Variants in MUC6 observed in about 807,000 individuals in gnomAD.
MUC6 encodes the protein mucin-6.
MUC6 carries 188 observed loss-of-function variants against 201.5 expected under a neutral mutation model. The ratio of observed to expected loss-of-function variants is 0.93; its 90% CI spans 0.83 to 1.05. The LOEUF is 1.05. Among genes scored for constraint, MUC6 ranks in the 50% least tolerant of loss-of-function variants. MUC6 has a pLI of 0.00. For synonymous variants in MUC6, 1,228 were observed against 1,389.4 expected, an observed-to-expected ratio of 0.88 and a Z score of 2.58; for missense variants, 2,706 against 3,256.9, an observed-to-expected ratio of 0.83 and a Z score of 4.12.
chr11:1,036,415 C>T (rs1385665847), intron 1 of MUC6, among the ~76,000 whole-genome samples, 189 bp downstream of exon 1: 3 of 152,194 alleles, frequency 2.0e-5, no homozygotes, highest in African/African-American at 7.2e-5. Flanking sequence ...TGGCAGAGCC[C>T]AGCACCGCGG....
rs1293461856 is a variant in MUC6 at position 1,031,188 on chromosome 11, G to T, written c.555C>A (p.Asn185Lys). The T allele has an allele frequency of 3.3e-6, 5 of 1,536,340 alleles. No homozygotes were observed. The East Asian group carries it at 1.2e-4, about 38-fold the overall frequency. ...LCGNFDGKVT[N>K]EFVSEEGKFL... ...ACCTACCCTCCTCACTGACAAACTC[G>T]TTGGTCACCTTCCCGTCAAAGTTCC... Residue 185 changes from asparagine to lysine, a missense_variant, in exon 5 of 33, where the codon AAC becomes AAA. Physicochemically the swap from Asn to Lys is moderately conservative, Grantham distance 94. Transcript: ENST00000421673.
chr11:1,033,187 G>A lies in MUC6; in HGVS notation c.53-112C>T, dbSNP rs759321995. On this transcript the variant is annotated intron_variant, in intron 1 of 32. Transcript: ENST00000421673. The surrounding 1 kb of genome is among the most constrained non-coding windows in gnomAD (Gnocchi z 5.6). ...GTTTCCCTGCACACACTCGGCGTGC[G>A]AGAAGTGTCCATGGCCCGTGGGGCT... 3.3e-5 allele frequency: 36 copies of A among 1,088,656 alleles called. No homozygotes were observed. The highest frequency in any genetic ancestry group is 3.3e-4 in the South Asian group (26 of 78,716). The allele number at this position is 1,088,656 out of a possible 1,614,324, so 67.4% of individuals were successfully genotyped here.
At chr11:1,023,422 G>T in intron 26 of MUC6, 87 bp downstream of exon 26, 1 of 1,448,398 alleles carries the variant, frequency 6.9e-7, no homozygotes, top group South Asian at 1.3e-5. Flanking sequence ...ATGTGTGAAT[G>T]AATGAATGCG....
At position 1,030,351 on chromosome 11, in the gene MUC6, G is replaced by A. The variant is rs1857071080; in HGVS notation, c.893-16C>T. 14 of 1,545,640 alleles carry A rather than the reference G, an allele frequency of 9.1e-6. No individual in the cohort carries two copies. Among genetic ancestry groups the A allele is most frequent in the Non-Finnish European group, 1.0e-5 (12 of 1,145,852 alleles). ...TGACCCACGGCTGTGGGCACACGCGGCTCCGGTGAGAGGGTCCCACCCCCC... is the reference window on the plus strand; with the variant it reads ...TGACCCACGGCTGTGGGCACACGCGACTCCGGTGAGAGGGTCCCACCCCCC... On this transcript the variant is annotated splice_polypyrimidine_tract_variant and intron_variant, in intron 7 of 32. Transcript: ENST00000421673.
intron 27 of MUC6, 37 bp from the exon 28 acceptor site, chr11:1,020,771 A>G (rs1435212560): frequency 3.7e-6 from 6 of 1,607,286 alleles, no homozygotes; most frequent in African/African-American, 1.3e-5. Context: ...GTGGTTCTCT[A>G]AGCCTCCCCA....
chr11:1,022,075 G>GC (rs1236395728), intron 26 of MUC6, among the ~76,000 whole-genome samples: 4 of 132,038 alleles, frequency 3.0e-5, no homozygotes, highest in African/African-American at 6.3e-5. Context: ...GCCCTCTGCA[G>GC]CCCCGCGCCT....
chr11:1,032,238 C>A (rs78654206), intron 2 of MUC6, among the ~76,000 whole-genome samples, 185 bp from the exon 3 acceptor site: 1 of 152,142 alleles, frequency 6.6e-6, no homozygotes, highest in Non-Finnish European at 1.5e-5. Context: ...GAGTCAGCAC[C>A]GCTGTGGGCA....
intron 1 of MUC6, among the ~76,000 whole-genome samples, chr11:1,034,381 C>A (rs887954058): frequency 6.6e-6 from 1 of 152,200 alleles, no homozygotes; most frequent in Non-Finnish European, 1.5e-5. Context: ...CTGAGCCTGG[C>A]GAGCACCTAC....
In MUC6 at chr11:1,015,962, A is replaced by G; in HGVS notation, c.6839T>C (p.Val2280Ala). 1 of 1,592,180 alleles carries G rather than the reference A, an allele frequency of 6.3e-7. No homozygotes were observed. The highest frequency in any genetic ancestry group is 2.2e-5 in the East Asian group (1 of 44,534). Residue 2280 changes from valine (V) to alanine (A), a missense_variant, in exon 31 of 33, where the codon GTT becomes GCT. Transcript: ENST00000421673. ...TSRSTSLTTRVPTSGFVSLTS... is the reference protein window; with the variant it reads ...TSRSTSLTTRAPTSGFVSLTS... ...GAGTGACACAAAGCCTGATGTGGGA[A>G]CTCGGGTGGTGAGAGAAGTGGACCG...
Position 1,031,909 on chromosome 11 carries a change from C to G in MUC6, c.260G>C (p.Arg87Pro). Residue 87 changes from arginine (R) to proline (P), a missense_variant, in exon 3 of 33, where the codon CGG (arginine) becomes CCG (proline). Arg to Pro is a moderately radical substitution (Grantham distance 103). Around this residue, in one of 10 missense-constraint regions of MUC6, gnomAD observed 1,850 missense variants for 1,958.3 expected, o/e 0.94. Transcript: ENST00000421673. ...DAFPTFSVQL[R>P]RGPDGSISRI... ...CGAGATGCTCCCGTCTGGGCCTCGC[C>G]GCAGCTGGACACTGAAGGTGGGGAA... 6.2e-7 allele frequency: 1 copy of G among 1,613,208 alleles called. No homozygotes were observed. The highest frequency in any genetic ancestry group is 8.5e-7 in the Non-Finnish European group (1 of 1,179,884).
Position 1,025,172 on chromosome 11 carries a change from C to T in MUC6, c.2985+10G>A, listed in dbSNP as rs369579023. The T allele has an allele frequency of 2.7e-5, 44 of 1,610,178 alleles. No individual in the cohort carries two copies. The highest frequency in any genetic ancestry group is 6.7e-5 in the Admixed American group (4 of 59,970). ...GGAGGGCCTGGGAGGAGGCAGAGGG[C>T]GTGCGGTACCTGGGAGGCACGGGCG... On this transcript the variant is annotated intron_variant, in intron 23 of 32. Transcript: ENST00000421673.
rs1449899875 is a variant in MUC6 at position 1,025,164 on chromosome 11, G to T, written c.2985+18C>A. On this transcript the variant is annotated intron_variant, in intron 23 of 32. Transcript: ENST00000421673. ...TGCATCAGGGAGGGCCTGGGAGGAG[G>T]CAGAGGGCGTGCGGTACCTGGGAGG... 2.5e-6 allele frequency: 4 copies of T among 1,610,356 alleles called. No homozygotes were observed. The highest frequency in any genetic ancestry group is 8.5e-7 in the Non-Finnish European group (1 of 1,177,718).
chr11:1,014,583 A>G (rs1340701577), intron 31 of MUC6, among the ~76,000 whole-genome samples: 1 of 152,182 alleles, frequency 6.6e-6, no homozygotes, highest in Non-Finnish European at 1.5e-5. Context: ...GGCAGGCAGC[A>G]CAGAGCAGGG....
chr11:1,036,582 G>A, intron 1 of MUC6, 22 bp downstream of exon 1: 1 of 1,548,850 alleles, frequency 6.5e-7, no homozygotes, highest in Non-Finnish European at 8.7e-7. Context: ...CGCAGTGTCT[G>A]GCGCCCCTCG....
At chr11:1,024,605 G>A (rs1413950882) in intron 24 of MUC6, among the ~76,000 whole-genome samples, 1 of 152,220 alleles carries the variant, frequency 6.6e-6, no homozygotes, top group Non-Finnish European at 1.5e-5. Context: ...CACTGTCTGG[G>A]GGTGCTATTG....
intron 22 of MUC6, 69 bp from the exon 23 acceptor site, chr11:1,025,436 C>T (rs921184189): frequency 6.3e-5 from 98 of 1,544,940 alleles, no homozygotes; most frequent in South Asian, 7.1e-5. Context: ...CGTGCTGGAC[C>T]GAGCTCTCAG....
At position 1,027,439 on chromosome 11, in the gene MUC6, C is replaced by T. The variant is rs748823370; in HGVS notation, c.2060G>A (p.Arg687His). Residue 687 changes from arginine to histidine, a missense_variant, in exon 17 of 33, where the codon CGT becomes CAT. By Grantham distance (29) the Arg-to-His change is conservative. This residue lies in a region of MUC6 where 1,850 missense variants were observed against 1,958.3 expected (regional missense o/e 0.94). Coordinates refer to ENST00000421673, the MANE Select transcript of MUC6 (RefSeq NM_005961.3). ...CERTCLSLSD[R>H]ATECHHSAVP... The stretch of plus-strand genomic sequence containing the variant: ...GGCGCTGTGGTGGCACTCGGTGGCA[C>T]GGTCCGACAGCGACAGGCAGGTGCG... 14 of 1,612,756 alleles carry T rather than the reference C, an allele frequency of 8.7e-6. No homozygotes were observed. Among genetic ancestry groups the T allele is most frequent in the Admixed American group, 6.7e-5 (4 of 60,012 alleles).
In MUC6 at chr11:1,031,951, G is replaced by A; in HGVS notation, c.218C>T (p.Ala73Val). The A allele has an allele frequency of 6.2e-7, 1 of 1,613,584 alleles. No homozygotes were observed. Among genetic ancestry groups the A allele is most frequent in the Non-Finnish European group, 8.5e-7 (1 of 1,179,898 alleles). The change falls in exon 3 of 33, where the codon GCC (alanine) becomes GTC (valine). Residue 73 changes from alanine (A) to valine (V), a missense_variant. Coordinates refer to ENST00000421673, the MANE Select transcript of MUC6 (RefSeq NM_005961.3). ...FSGTCNYIFA[A>V]TCKDAFPTFS... is the part of the protein sequence containing the mutation. ...GGTGGGGAAGGCGTCCTTGCAGGTG[G>A]CCGCGAAGATGTAGTTGCACGTCCC...
At position 1,023,980 on chromosome 11, in the gene MUC6, C is replaced by G. The variant is rs1251575215; in HGVS notation, c.3349G>C (p.Val1117Leu). The G allele has an allele frequency of 6.2e-7, 1 of 1,612,722 alleles. No individual in the cohort carries two copies. The highest frequency in any genetic ancestry group is 8.5e-7 in the Non-Finnish European group (1 of 1,179,710). The change falls in exon 25 of 33, where the codon GTG becomes CTG. Residue 1117 changes from valine (V) to leucine (L), a missense_variant. By Grantham distance (32) the Val-to-Leu change is conservative. Around this residue, in one of 10 missense-constraint regions of MUC6, gnomAD observed 1,850 missense variants for 1,958.3 expected, o/e 0.94. Coordinates refer to ENST00000421673, the MANE Select transcript of MUC6 (RefSeq NM_005961.3). ...GCCGGGGTCCTCCAGTCCACGCACA[C>G]ACCCTTGTCCAGACAGGCTTGGGCG... ...AYAQACLDKGVCVDWRTPAFC... is the reference protein window; with the variant it reads ...AYAQACLDKGLCVDWRTPAFC...
Sources: allele counts gnomAD v4.1 joint callset (sites outside exome capture counted in the v4.1 genomes callset), GRCh38; gene constraint gnomAD v4.1.1; regional missense constraint gnomAD v4.1.1; non-coding constraint Gnocchi (gnomAD v3.1); transcripts MANE v1.5; gene names NCBI Gene and HGNC (gene_info 2026-07-23, HGNC 2026-07-21).